The following MED1 variants were observed in gnomAD, a reference collection of about 807,000 sequenced individuals.
MED1 encodes the protein mediator complex subunit 1, also known as mediator of RNA polymerase II transcription subunit 1.
In MED1, 17 loss-of-function variants were observed where a neutral mutation model predicts 121.3. That is an observed-to-expected ratio of 0.14 (90% CI 0.10 to 0.21). The LOEUF (loss-of-function observed/expected upper bound fraction) is 0.21. Among genes scored for constraint, MED1 ranks in the 10% least tolerant of loss-of-function variants. The pLI is 1.00. For synonymous variants in MED1, 661 were observed against 694.4 expected, an observed-to-expected ratio of 0.95 and a Z score of 0.76; for missense variants, 1,558 against 1,919.4, an observed-to-expected ratio of 0.81 and a Z score of 3.52.
rs1228703356 is a variant in MED1, at chr17:39,404,564, A to G, written c.*2911T>C. On this transcript the variant is annotated 3_prime_UTR_variant, in exon 17 of 17. Transcript: ENST00000300651. Reference sequence around the variant, plus strand: ...CAATCTAGCTTCTGAGATGTTAAGTACTTCCTGCCCCTCCAAAACTAACTC... The same window carrying G: ...CAATCTAGCTTCTGAGATGTTAAGTGCTTCCTGCCCCTCCAAAACTAACTC... The G allele has an allele frequency of 6.6e-6, 1 of 152,302 alleles. No homozygotes were observed. Among genetic ancestry groups the G allele is most frequent in the East Asian group, 1.9e-4 (1 of 5,340 alleles). The allele number at this position is 152,302 out of a possible 1,614,324, so 9.4% of individuals were successfully genotyped here.
At position 39,405,129 on chromosome 17, in the gene MED1, C is replaced by G. The variant is rs2048292948; in HGVS notation, c.*2346G>C. The G allele has an allele frequency of 6.5e-6, 9 of 1,380,640 alleles. No homozygotes were observed. The allele number at this position is 1,380,640 out of a possible 1,614,324, so 85.5% of individuals were successfully genotyped here. On this transcript the variant is annotated 3_prime_UTR_variant, in exon 17 of 17. Coordinates refer to ENST00000300651, the MANE Select transcript of MED1 (RefSeq NM_004774.4). Reference sequence around the variant, plus strand: ...GGAGGTGTCCCAGGCTTGGTTTATTCTGCCTCTTCTCCTCCACCCTGTGGA... The same window carrying G: ...GGAGGTGTCCCAGGCTTGGTTTATTGTGCCTCTTCTCCTCCACCCTGTGGA...
intron 1 of MED1, among the ~76,000 whole-genome samples, chr17:39,448,135 C>CTT (rs71353582): frequency 1.6e-3 from 224 of 140,144 alleles, no homozygotes; most frequent in Non-Finnish European, 2.1e-3. Flanking sequence ...ATCTATCCAC[C>CTT]TTTTTTTTTT....
chr17:39,418,616 C>T (rs1020194180), intron 14 of MED1, among the ~76,000 whole-genome samples: 3 of 151,964 alleles, frequency 2.0e-5, no homozygotes, highest in Non-Finnish European at 2.9e-5. Context: ...CTAAAATACC[C>T]AGTTACATTA....
chr17:39,426,272 C>A (rs2048514551), intron 10 of MED1, among the ~76,000 whole-genome samples: 1 of 152,058 alleles, frequency 6.6e-6, no homozygotes, highest in South Asian at 2.1e-4. Context: ...CATAGTGAAA[C>A]CCCATCTCTA....
In MED1 at chr17:39,408,778, T is replaced by G. The variant is rs1467393598; in HGVS notation, c.3443A>C (p.Gln1148Pro). 6.2e-7 allele frequency: 1 copy of G among 1,613,992 alleles called. No homozygotes were observed. The highest frequency in any genetic ancestry group is 2.2e-5 in the East Asian group (1 of 44,896). ...AGAGGAGCCTGGCTTCCCCCCAGAC[T>G]GGGATGAATTTTTGGACTGGCTAGA... ...SGSSQSKNSS[Q>P]SGGKPGSSPI... The change falls in exon 17 of 17, where the codon CAG (glutamine) becomes CCG (proline). Residue 1148 changes from glutamine to proline, a missense_variant. By Grantham distance (76) the Gln-to-Pro change is moderately conservative. Transcript: ENST00000300651. The surrounding 1 kb of genome is among the most constrained non-coding windows in gnomAD (Gnocchi z 4.7).
In MED1 at chr17:39,408,782, A is replaced by T; in HGVS notation, c.3439T>A (p.Ser1147Thr). 6.2e-7 allele frequency: 1 copy of T among 1,614,062 alleles called. No homozygotes were observed. Among genetic ancestry groups the T allele is most frequent in the Non-Finnish European group, 8.5e-7 (1 of 1,179,980 alleles). ...SSGSSQSKNS[S>T]QSGGKPGSSP... ...GAGCCTGGCTTCCCCCCAGACTGGG[A>T]TGAATTTTTGGACTGGCTAGATCCA... The change falls in exon 17 of 17, where the codon TCC becomes ACC. Residue 1147 changes from serine to threonine, a missense_variant. By Grantham distance (58) the Ser-to-Thr change is moderately conservative. Around this residue, in one of 5 missense-constraint regions of MED1, gnomAD observed 793 missense variants for 898.2 expected, o/e 0.88. Transcript: ENST00000300651. The surrounding 1 kb of genome is among the most constrained non-coding windows in gnomAD (Gnocchi z 4.7).
intron 10 of MED1, among the ~76,000 whole-genome samples, chr17:39,425,196 A>G (rs979338892): frequency 6.6e-6 from 1 of 151,566 alleles, no homozygotes; most frequent in Non-Finnish European, 1.5e-5. Context: ...CAGCCTATTT[A>G]TTTATTTTTT....
At chr17:39,444,790 C>T (rs1317686969) in intron 2 of MED1, among the ~76,000 whole-genome samples, 4 of 151,674 alleles carry the variant, frequency 2.6e-5, no homozygotes, top group Non-Finnish European at 5.9e-5. Flanking sequence ...AATCGCTTGA[C>T]CCGGGGATGC....
intron 10 of MED1, among the ~76,000 whole-genome samples, chr17:39,425,182 C>T (rs982921853): frequency 3.3e-5 from 5 of 151,802 alleles, no homozygotes; most frequent in African/African-American, 1.2e-4. Context: ...TGAATCACTG[C>T]GCCCAGCCTA....
intron 16 of MED1, among the ~76,000 whole-genome samples, chr17:39,413,337 A>T (rs1288211150): frequency 1.3e-5 from 2 of 152,158 alleles, no homozygotes; most frequent in South Asian, 2.1e-4. Context: ...ATCTTGGCTC[A>T]CCGCAACCTC....
intron 10 of MED1, among the ~76,000 whole-genome samples, chr17:39,425,658 C>T (rs573839146): frequency 1.3e-5 from 2 of 152,044 alleles, no homozygotes; most frequent in East Asian, 3.9e-4. Context: ...AAAAATTAGC[C>T]AGGTGTGGTG....
intron 5 of MED1, among the ~76,000 whole-genome samples, chr17:39,439,828 C>T (rs1301605357): frequency 6.6e-6 from 1 of 151,584 alleles, no homozygotes; most frequent in Non-Finnish European, 1.5e-5. Flanking sequence ...ATCCCAGCTA[C>T]TTGGGAGGCT....
chr17:39,433,228 G>A (rs1227166644), intron 7 of MED1, among the ~76,000 whole-genome samples: 1 of 151,654 alleles, frequency 6.6e-6, no homozygotes, highest in Non-Finnish European at 1.5e-5. Flanking sequence ...AATTAGCCGG[G>A]CGTGGTGGCG....
intron 14 of MED1, among the ~76,000 whole-genome samples, chr17:39,417,347 G>C (rs1055828187): frequency 6.9e-6 from 1 of 144,220 alleles, no homozygotes; most frequent in African/African-American, 2.6e-5. Context: ...AAAACAAAAA[G>C]GCCAGGCGTG....
rs764084373 is a variant in MED1, at chr17:39,447,866, G to A, written c.64C>T (p.Arg22Trp). The stretch of plus-strand genomic sequence containing the variant: ...TTTTGGTTAAATTTTGCATGGAGCC[G>A]TTCCAGGAGAGAACTCATCTTACTC... ...KLSKMSSLLERLHAKFNQNRP... is the reference protein window; with the variant it reads ...KLSKMSSLLEWLHAKFNQNRP... Residue 22 changes from arginine (R) to tryptophan (W), a missense_variant, in exon 2 of 17, where the codon CGG (arginine) becomes TGG (tryptophan). Around this residue, in one of 5 missense-constraint regions of MED1, gnomAD observed 443 missense variants for 532.4 expected, o/e 0.83. Transcript: ENST00000300651. 3.1e-6 allele frequency: 5 copies of A among 1,613,260 alleles called. No homozygotes were observed. Among genetic ancestry groups the A allele is most frequent in the Admixed American group, 1.7e-5 (1 of 59,942 alleles).
chr17:39,447,731 G>A, intron 2 of MED1, 67 bp downstream of exon 2: 1 of 1,148,146 alleles, frequency 8.7e-7, no homozygotes, highest in Non-Finnish European at 1.3e-6. Flanking sequence ...CATCTACATG[G>A]GGAGCTTAGC....
In MED1 at chr17:39,447,801, G is replaced by T; in HGVS notation, c.129C>A (p.Val43=). 1.2e-6 allele frequency: 2 copies of T among 1,609,348 alleles called. No homozygotes were observed. The highest frequency in any genetic ancestry group is 1.7e-6 in the Non-Finnish European group (2 of 1,176,254). The change falls in exon 2 of 17, where the codon GTC becomes GTA. Residue 43 remains valine, a synonymous_variant. Transcript: ENST00000300651. ...CCCACTTCACCACAATCCTTACCAT[G>T]ACTTGACGCACAAGCTTAATGGTTT... The part of the protein sequence containing the change: ...WSETIKLVRQ[V]MEKRVVMSSG...
chr17:39,423,578 A>C lies in MED1; in HGVS notation c.976+119T>G, dbSNP rs1466105270. 6 of 1,479,860 alleles carry C rather than the reference A, an allele frequency of 4.1e-6. No homozygotes were observed. In the East Asian group the frequency reaches 1.4e-4, roughly 33 times the overall value. 91.7% of individuals were successfully genotyped at this position (1,479,860 alleles called of 1,614,324 possible). On this transcript the variant is annotated intron_variant, in intron 12 of 16. Coordinates refer to ENST00000300651, the MANE Select transcript of MED1 (RefSeq NM_004774.4). ...ATTTACTAGTACAAAGCACTATAAC[A>C]TCTTTACCAGTAATACTTCAATGAG... is the stretch of plus-strand genomic sequence containing the variant.
chr17:39,433,794 A>G (rs1165913277), intron 7 of MED1, among the ~76,000 whole-genome samples: 3 of 152,108 alleles, frequency 2.0e-5, no homozygotes, highest in Non-Finnish European at 4.4e-5. Flanking sequence ...CCTGAGCTCA[A>G]GAAATCTTCC....
Sources: gnomAD v4.1 joint callset for allele counts (sites outside exome capture counted in the v4.1 genomes callset) on GRCh38, gnomAD v4.1.1 for gene constraint, gnomAD v4.1.1 regional missense constraint, Gnocchi (gnomAD v3.1) non-coding constraint, MANE v1.5 for transcripts, NCBI Gene and HGNC (gene_info 2026-07-23, HGNC 2026-07-21) for gene names.